STRIP2: variants seen among roughly 807,000 people sequenced by gnomAD.
STRIP2 encodes the protein striatin interacting protein 2.
In STRIP2, 84 loss-of-function variants were observed where a neutral mutation model predicts 107.1. That is an observed-to-expected ratio of 0.78 (90% confidence interval 0.66 to 0.94). The LOEUF (loss-of-function observed/expected upper bound fraction) is 0.94, where lower values mean the gene tolerates loss of function less well. Among genes scored for constraint, STRIP2 ranks in the 40% least tolerant of loss-of-function variants. STRIP2 has a pLI of 0.00. For synonymous variants in STRIP2, 394 were observed against 400.4 expected (o/e 0.98, Z 0.19); for missense variants, 888 against 1,034.2 (o/e 0.86, Z 1.94).
At chr7:129,473,144 C>T (rs555421337) in intron 18 of STRIP2, among the ~76,000 whole-genome samples, 7 of 151,908 alleles carry the variant, frequency 4.6e-5, no homozygotes, top group South Asian at 4.2e-4. Context: ...AATAAATATA[C>T]GTATTGCAGA....
rs74319572 is a variant in STRIP2, at chr7:129,470,873, G to C, written c.1944+158G>C. ...AGCAGAGATGCAGCAGGGGTTTAGA[G>C]TTGCTGACCCAGTTGAGAAAGATTT... On this transcript the variant is annotated intron_variant, in intron 18 of 20. Transcript: ENST00000249344. 6.7e-3 allele frequency among the ~76,000 whole-genome samples: 1,017 copies of C among 152,324 alleles called. 12 individuals are homozygous for C. The highest frequency in any genetic ancestry group is 0.023 in the African/African-American group (963 of 41,566).
At chr7:129,469,471 G>C (rs1406108535) in intron 17 of STRIP2, among the ~76,000 whole-genome samples, 1 of 152,214 alleles carries the variant, frequency 6.6e-6, no homozygotes, top group African/African-American at 2.4e-5. Flanking sequence ...CCCATTTCCT[G>C]GTCGCCGGCA....
In STRIP2 at chr7:129,456,625, C is replaced by T. The variant is rs377588013; in HGVS notation, c.1021C>T (p.Arg341Cys). The part of the protein sequence containing the change: ...LAPPPSKLRG[R>C]RGSRRQLLTK... ...ACCCCCACCCTCCAAGCTGCGAGGC[C>T]GCCGTGGCTCTCGAAGGGTATGGAC... is the stretch of plus-strand genomic sequence containing the variant. Residue 341 changes from arginine to cysteine, a missense_variant, in exon 9 of 21, where the codon CGC (arginine) becomes TGC (cysteine). By Grantham distance (180) the Arg-to-Cys change is radical (BLOSUM62 -3). Transcript: ENST00000249344. 3.8e-5 allele frequency: 61 copies of T among 1,613,948 alleles called. No homozygotes were observed. The South Asian group carries it at 5.5e-4, about 15-fold the overall frequency.
chr7:129,462,982 C>G lies in STRIP2; in HGVS notation c.1493C>G (p.Pro498Arg), dbSNP rs755430693. ...CPMSLGEEVV[P>R]ETPCEILYQG... is the part of the protein sequence containing the mutation. ...TTGCCATAGGGGGAAGAGGTGGTACCAGAGACGCCATGTGAAATCCTCTAC... is the reference window on the plus strand; with the variant it reads ...TTGCCATAGGGGGAAGAGGTGGTACGAGAGACGCCATGTGAAATCCTCTAC... The change falls in exon 14 of 21, where the codon CCA (proline) becomes CGA (arginine). Residue 498 changes from proline (P) to arginine (R), a missense_variant. Physicochemically the swap from Pro to Arg is moderately radical, Grantham distance 103. Coordinates refer to ENST00000249344, the MANE Select transcript of STRIP2 (RefSeq NM_020704.3). The G allele has an allele frequency of 8.1e-6, 13 of 1,613,918 alleles. No homozygotes were observed. In the Admixed American group the frequency reaches 1.7e-4, roughly 21 times the overall value.
At chr7:129,462,231 T>TA (rs1798558655) in intron 13 of STRIP2, among the ~76,000 whole-genome samples, 1 of 152,246 alleles carries the variant, frequency 6.6e-6, no homozygotes, top group Non-Finnish European at 1.5e-5. Flanking sequence ...ATTTAGGACT[T>TA]ACGTCCATTT....
intron 1 of STRIP2, among the ~76,000 whole-genome samples, chr7:129,437,495 G>T (rs1324023948): frequency 6.6e-6 from 1 of 151,804 alleles, no homozygotes; most frequent in Non-Finnish European, 1.5e-5. Flanking sequence ...ATGCAGTAAA[G>T]GTAAATATTT....
chr7:129,467,306 C>G (rs1436235060), intron 16 of STRIP2, 44 bp from the exon 17 acceptor site: 1 of 1,386,200 alleles, frequency 7.2e-7, no homozygotes, highest in South Asian at 1.2e-5. Context: ...ACTTTCCATT[C>G]TCCTCCAAAT....
intron 18 of STRIP2, among the ~76,000 whole-genome samples, chr7:129,476,359 A>C (rs1798944033): frequency 7.4e-6 from 1 of 135,166 alleles, no homozygotes; most frequent in Non-Finnish European, 1.6e-5. Flanking sequence ...TGCCGGGCGG[A>C]GGGGCTCCTC....
At position 129,458,875 on chromosome 7, in the gene STRIP2, T is replaced by C. The variant is rs1798445362; in HGVS notation, c.1340+98T>C. On this transcript the variant is annotated intron_variant, in intron 11 of 20. Coordinates refer to ENST00000249344, the MANE Select transcript of STRIP2 (RefSeq NM_020704.3). The surrounding 1 kb of genome is among the most constrained non-coding windows in gnomAD (Gnocchi z 4.6). ...GAGGGATGGTGCCTGGTGGTCATAA[T>C]GTAACCTAGAGCCCCTAGGCCATGG... The C allele has an allele frequency of 8.3e-7, 1 of 1,198,292 alleles. No homozygotes were observed. Among genetic ancestry groups the C allele is most frequent in the Non-Finnish European group, 1.2e-6 (1 of 808,366 alleles). The allele number at this position is 1,198,292 out of a possible 1,614,324, so 74.2% of individuals were successfully genotyped here.
rs753215324 is a variant in STRIP2, at chr7:129,482,891, T to C, written c.2099T>C (p.Val700Ala). The part of the protein sequence containing the change: ...SAPILKRALK[V>A]KQAMLQLYVL... ...CCAATCTTAAAGCGGGCCCTCAAGG[T>C]CAAACAGGCCATGCTGCAACTTTAT... Residue 700 changes from valine (V) to alanine (A), a missense_variant, in exon 20 of 21, where the codon GTC becomes GCC. Val to Ala is a moderately conservative substitution (Grantham distance 64). Coordinates refer to ENST00000249344, the MANE Select transcript of STRIP2 (RefSeq NM_020704.3). 6 of 1,613,834 alleles carry C rather than the reference T, an allele frequency of 3.7e-6. No individual in the cohort carries two copies. The African/African-American group carries it at 4.0e-5, about 11-fold the overall frequency.
Position 129,483,805 on chromosome 7 carries a change from C to G in STRIP2, c.2254+759C>G, listed in dbSNP as rs1168926735. Among the ~76,000 whole-genome samples the G allele has an allele frequency of 6.6e-6, 1 of 152,090 alleles. No individual in the cohort carries two copies. Among genetic ancestry groups the G allele is most frequent in the Non-Finnish European group, 1.5e-5 (1 of 68,026 alleles). On this transcript the variant is annotated intron_variant, in intron 20 of 20. Coordinates refer to ENST00000249344, the MANE Select transcript of STRIP2 (RefSeq NM_020704.3). The surrounding 1 kb of genome is among the most constrained non-coding windows in gnomAD (Gnocchi z 5.1). ...TGTCACCCAGGCTGGAAAGCAGTGACATGATAATGGCTCACTGCAGCCTCG... is the reference window on the plus strand; with the variant it reads ...TGTCACCCAGGCTGGAAAGCAGTGAGATGATAATGGCTCACTGCAGCCTCG...
rs1300962014 is a variant in STRIP2, at chr7:129,461,772, A to C, written c.1477-1194A>C. ...AGGTAGATGATATAAAAGTTTTGTG[A>C]AGAGGAGAGAAAGTGGATGGTAGCT... On this transcript the variant is annotated intron_variant, in intron 13 of 20. Coordinates refer to ENST00000249344, the MANE Select transcript of STRIP2 (RefSeq NM_020704.3). This position sits in a 1 kb window ranked among gnomAD's most constrained non-coding sequence, Gnocchi z 4.0. Among the ~76,000 whole-genome samples the C allele has an allele frequency of 6.6e-6, 1 of 152,154 alleles. No homozygotes were observed. Among genetic ancestry groups the C allele is most frequent in the Non-Finnish European group, 1.5e-5 (1 of 68,028 alleles).
intron 3 of STRIP2, among the ~76,000 whole-genome samples, chr7:129,448,766 G>A (rs964061766): frequency 2.0e-5 from 3 of 152,070 alleles, no homozygotes; most frequent in African/African-American, 4.8e-5. Context: ...CTGCCACCTC[G>A]GGATCCAATT....
At chr7:129,467,125 T>C (rs1798688478) in intron 16 of STRIP2, among the ~76,000 whole-genome samples, 1 of 152,244 alleles carries the variant, frequency 6.6e-6, no homozygotes, top group Non-Finnish European at 1.5e-5. Context: ...TTCTGGCTTC[T>C]TTGTTTTGTG....
chr7:129,459,397 G>T (rs1215120499), intron 11 of STRIP2, 120 bp from the exon 12 acceptor site: 2 of 821,366 alleles, frequency 2.4e-6, no homozygotes, highest in African/African-American at 3.4e-5. Flanking sequence ...GGAAGGTCTA[G>T]GGTACTGGGG....
Position 129,464,160 on chromosome 7 carries a change from G to A in STRIP2, c.1649+19G>A, listed in dbSNP as rs754104255. The A allele has an allele frequency of 3.2e-6, 5 of 1,570,530 alleles. No homozygotes were observed. In the South Asian group the frequency reaches 3.3e-5, roughly 10 times the overall value. ...AGATGCCGTGAGTGCTTCAACGGGGGCAGCTGCTGGATACTAGCTGTCTTA... is the reference window on the plus strand; with the variant it reads ...AGATGCCGTGAGTGCTTCAACGGGGACAGCTGCTGGATACTAGCTGTCTTA... On this transcript the variant is annotated intron_variant, in intron 15 of 20. Coordinates refer to ENST00000249344, the MANE Select transcript of STRIP2 (RefSeq NM_020704.3).
In STRIP2 at chr7:129,486,134, G is replaced by A; in HGVS notation, c.*305G>A. ...GCTAGACTTTGCTGGCTCTAAAAGA[G>A]GAAATTTGTTATGGCATTTGACCCA... On this transcript the variant is annotated 3_prime_UTR_variant, in exon 21 of 21. Transcript: ENST00000249344. 3.4e-6 allele frequency: 1 copy of A among 294,534 alleles called. No individual in the cohort carries two copies. The highest frequency in any genetic ancestry group is 6.4e-6 in the Non-Finnish European group (1 of 155,144). 18.2% of individuals were successfully genotyped at this position (294,534 alleles called of 1,614,324 possible).
intron 1 of STRIP2, among the ~76,000 whole-genome samples, chr7:129,435,946 A>G (rs1266177866): frequency 6.6e-6 from 1 of 152,074 alleles, no homozygotes; most frequent in Non-Finnish European, 1.5e-5. Context: ...TTTTTTTTCA[A>G]GGTAGAAATG....
chr7:129,434,607 G>A lies in STRIP2; in HGVS notation c.129+6G>A. 6.7e-7 allele frequency: 1 copy of A among 1,490,646 alleles called. No individual in the cohort carries two copies. Among genetic ancestry groups the A allele is most frequent in the Non-Finnish European group, 8.9e-7 (1 of 1,124,234 alleles). 92.3% of individuals were successfully genotyped at this position (1,490,646 alleles called of 1,614,324 possible). A position where few individuals can be genotyped will look rare whatever the true frequency, so the allele number is the denominator to read the frequency against. On this transcript the variant is annotated splice_donor_region_variant and intron_variant, in intron 1 of 20. Transcript: ENST00000249344. Reference sequence around the variant, plus strand: ...GCCAGCGGCGGGAGTCAGAGGTGAGGAGCCCGGAAAGCTTCGGCTGGGGCC... The same window carrying A: ...GCCAGCGGCGGGAGTCAGAGGTGAGAAGCCCGGAAAGCTTCGGCTGGGGCC...
Sources: allele counts gnomAD v4.1 joint callset (sites outside exome capture counted in the v4.1 genomes callset), GRCh38; gene constraint gnomAD v4.1.1; non-coding constraint Gnocchi (gnomAD v3.1); transcripts MANE v1.5; gene names NCBI Gene and HGNC (gene_info 2026-07-23, HGNC 2026-07-21).